The following PAX7 variants were observed in gnomAD, a reference collection of about 807,000 sequenced individuals.
PAX7 encodes the protein paired box 7.
Under a neutral mutation model 50.7 loss-of-function variants are expected in PAX7, and 18 were observed. The observed-to-expected ratio is 0.36, with a 90% CI of 0.25 to 0.53. PAX7 has a LOEUF of 0.53. Ranked by LOEUF, PAX7 falls within the 20% of genes least tolerant of loss-of-function variation. The pLI, the probability that PAX7 is intolerant of heterozygous loss-of-function variation, is 0.93. For missense variants in PAX7, 644 were observed against 702.9 expected (o/e 0.92, Z 0.95); for synonymous variants, 310 against 290.4 (o/e 1.07, Z -0.69).
At chr1:18,714,206 C>CAAAT (rs10682105) in intron 7 of PAX7, among the ~76,000 whole-genome samples, 17,217 of 144,944 alleles carry the variant, frequency 0.12, 1,201 homozygotes, top group African/African-American at 0.17. Context: ...GGCTCCGTCT[C>CAAAT]AAATAAATAA....
intron 7 of PAX7, among the ~76,000 whole-genome samples, chr1:18,734,033 G>A (rs1053339017): frequency 2.0e-5 from 3 of 152,306 alleles, no homozygotes; most frequent in Non-Finnish European, 2.9e-5. Flanking sequence ...GGAGGAGCTC[G>A]CTGTCTGTCC....
chr1:18,660,799 C>T (rs759374324), intron 4 of PAX7, among the ~76,000 whole-genome samples: 13 of 151,660 alleles, frequency 8.6e-5, no homozygotes, highest in African/African-American at 1.9e-4. Context: ...TGTGAGCCAG[C>T]GGCTAAAGGG....
intron 4 of PAX7, among the ~76,000 whole-genome samples, chr1:18,668,967 C>T (rs1433438760): frequency 2.0e-5 from 3 of 152,174 alleles, no homozygotes; most frequent in East Asian, 3.9e-4. Context: ...GTGACTCAGC[C>T]GCCTTGGCTA....
At chr1:18,669,831 A>G (rs1393163566) in intron 4 of PAX7, among the ~76,000 whole-genome samples, 1 of 152,204 alleles carries the variant, frequency 6.6e-6, no homozygotes. Context: ...TAATCCACAA[A>G]AAGCCCTTAA....
chr1:18,748,021 T>A lies in PAX7; in HGVS notation c.*3092T>A, dbSNP rs539829177. ...AAGAAGTGATGTGTAAGAACCAAGC[T>A]ATGCTTTTATACTTCCATTTTATAC... On this transcript the variant is annotated 3_prime_UTR_variant, in exon 9 of 9. Transcript: ENST00000420770. The A allele has an allele frequency of 1.5e-5, 3 of 206,634 alleles. No homozygotes were observed. Among genetic ancestry groups the A allele is most frequent in the Non-Finnish European group, 3.0e-5 (3 of 101,174 alleles). The allele number at this position is 206,634 out of a possible 1,614,324, so 12.8% of individuals were successfully genotyped here. A position where few individuals can be genotyped will look rare whatever the true frequency, so the allele number is the denominator to read the frequency against.
chr1:18,688,023 G>A (rs1223804799), intron 4 of PAX7, among the ~76,000 whole-genome samples: 1 of 152,178 alleles, frequency 6.6e-6, no homozygotes, highest in Non-Finnish European at 1.5e-5. Context: ...CCGGGGCTTG[G>A]CAGAAGCACT....
chr1:18,636,845 C>T lies in PAX7; in HGVS notation c.586+474C>T, dbSNP rs868238540. ...TGTTAACCAGACCCCCACACGCTCT[C>T]TAAACGGTCCCTTGAAACCCCGCCT... On this transcript the variant is annotated intron_variant, in intron 4 of 8. Coordinates refer to ENST00000420770, the MANE Select transcript of PAX7 (RefSeq NM_001135254.2). This position sits in a 1 kb window ranked among gnomAD's most constrained non-coding sequence, Gnocchi z 5.1. 2.4e-4 allele frequency among the ~76,000 whole-genome samples: 37 copies of T among 152,320 alleles called. No homozygotes were observed. The highest frequency in any genetic ancestry group is 2.1e-4 in the South Asian group (1 of 4,828).
chr1:18,675,835 G>A (rs946273670), intron 4 of PAX7, among the ~76,000 whole-genome samples: 1 of 152,148 alleles, frequency 6.6e-6, no homozygotes, highest in African/African-American at 2.4e-5. Flanking sequence ...TCTTGGTGGT[G>A]TCTCGGGGGC....
intron 4 of PAX7, among the ~76,000 whole-genome samples, chr1:18,642,967 C>CG (rs914701238): frequency 9.0e-5 from 4 of 44,594 alleles, no homozygotes; most frequent in Non-Finnish European, 1.8e-4. Flanking sequence ...AAAGGGGAGG[C>CG]GGGGGCCAAA....
chr1:18,717,521 GGTT>G (rs1399594860), intron 7 of PAX7, among the ~76,000 whole-genome samples: 3 of 152,162 alleles, frequency 2.0e-5, no homozygotes. Context: ...TCAGCTCAGA[GGTT>G]GTTTGCTCCA....
intron 4 of PAX7, among the ~76,000 whole-genome samples, chr1:18,670,316 C>A (rs1369767054): frequency 6.6e-6 from 1 of 152,150 alleles, no homozygotes; most frequent in Non-Finnish European, 1.5e-5. Flanking sequence ...ATGGGTGTGG[C>A]TGAGTCTCCT....
chr1:18,745,612 G>A lies in PAX7; in HGVS notation c.*683G>A, dbSNP rs1931407960. 4.3e-6 allele frequency: 1 copy of A among 231,082 alleles called. No homozygotes were observed. Among genetic ancestry groups the A allele is most frequent in the Non-Finnish European group, 8.6e-6 (1 of 116,708 alleles). The allele number at this position is 231,082 out of a possible 1,614,324, so 14.3% of individuals were successfully genotyped here. ...ACAGGCAGGGAGACTGGGGAGACCA[G>A]GAAGAGGCTTAACCAGAGGGTAGGG... On this transcript the variant is annotated 3_prime_UTR_variant, in exon 9 of 9. Transcript: ENST00000420770.
At chr1:18,690,187 G>A (rs1465714543) in intron 4 of PAX7, among the ~76,000 whole-genome samples, 4 of 152,142 alleles carry the variant, frequency 2.6e-5, no homozygotes, top group Non-Finnish European at 1.5e-5. Flanking sequence ...AATGCTTTAG[G>A]GGAAGGAGTG....
rs1263883832 is a variant in PAX7 at position 18,745,868 on chromosome 1, G to T, written c.*939G>T. On this transcript the variant is annotated 3_prime_UTR_variant, in exon 9 of 9. Coordinates refer to ENST00000420770, the MANE Select transcript of PAX7 (RefSeq NM_001135254.2). ...ACATGAGTGGAGGAGCAGGAAGTGG[G>T]CTCAGAAGGCACTTTCATAACCAGA... The T allele has an allele frequency of 4.3e-6, 1 of 232,116 alleles. No individual in the cohort carries two copies. The highest frequency in any genetic ancestry group is 8.5e-6 in the Non-Finnish European group (1 of 117,436). The allele number at this position is 232,116 out of a possible 1,614,324, so 14.4% of individuals were successfully genotyped here. A position where few individuals can be genotyped will look rare whatever the true frequency, so the allele number is the denominator to read the frequency against.
intron 7 of PAX7, among the ~76,000 whole-genome samples, chr1:18,720,585 T>G: frequency 6.8e-6 from 1 of 146,660 alleles, no homozygotes; most frequent in African/African-American, 2.5e-5. Flanking sequence ...AGAAGGGAGG[T>G]GTGTGTGGAT....
chr1:18,730,875 C>A (rs946750660), intron 7 of PAX7, among the ~76,000 whole-genome samples: 14 of 142,388 alleles, frequency 9.8e-5, no homozygotes, highest in Non-Finnish European at 2.1e-4. Context: ...GAGGCTGGGA[C>A]TGATTTGGAG....
At chr1:18,637,002 G>A (rs2088170753) in intron 4 of PAX7, among the ~76,000 whole-genome samples, 2 of 152,190 alleles carry the variant, frequency 1.3e-5, no homozygotes, top group Non-Finnish European at 2.9e-5. Context: ...GGCTGGGAGT[G>A]GAGGCCAAGT....
Position 18,641,956 on chromosome 1 carries a change from C to A in PAX7, c.586+5585C>A, listed in dbSNP as rs192155481. 4.3e-3 allele frequency among the ~76,000 whole-genome samples: 653 copies of A among 150,500 alleles called. 6 individuals are homozygous for A. Among genetic ancestry groups the A allele is most frequent in the Non-Finnish European group, 7.8e-3 (529 of 67,586 alleles). On this transcript the variant is annotated intron_variant, in intron 4 of 8. Coordinates refer to ENST00000420770, the MANE Select transcript of PAX7 (RefSeq NM_001135254.2). ...CAGCGTTAAACCCGGATTAACCTCC[C>A]CCCCCCCAACTCCCGCGGCCCCCTC...
chr1:18,725,435 C>T (rs770054738), intron 7 of PAX7, among the ~76,000 whole-genome samples: 6 of 152,114 alleles, frequency 3.9e-5, no homozygotes, highest in Non-Finnish European at 8.8e-5. Context: ...CCCGCCTGCC[C>T]CTCCTCCCCT....
Sources: allele counts gnomAD v4.1 joint callset (sites outside exome capture counted in the v4.1 genomes callset), GRCh38; gene constraint gnomAD v4.1.1; non-coding constraint Gnocchi (gnomAD v3.1); transcripts MANE v1.5; gene names NCBI Gene and HGNC (gene_info 2026-07-23, HGNC 2026-07-21).